SNX8: variants seen among roughly 807,000 people sequenced by gnomAD.
SNX8 encodes the protein sorting nexin 8, also known as sorting nexin-8.
Under a neutral mutation model 51.6 loss-of-function variants are expected in SNX8, and 25 were observed. The ratio of observed to expected loss-of-function variants is 0.48; its 90% confidence interval spans 0.35 to 0.68. The LOEUF is 0.68. Ranked by LOEUF, SNX8 falls within the 30% of genes least tolerant of loss-of-function variation. The pLI is 0.00. For synonymous variants in SNX8, 324 were observed against 277.0 expected (o/e 1.17, Z -1.68); for missense variants, 695 against 624.0 (o/e 1.11, Z -1.21).
At position 2,269,557 on chromosome 7, in the gene SNX8, A is replaced by G; in HGVS notation, c.621+2T>C. On this transcript the variant is annotated splice_donor_variant, in intron 5 of 10. Transcript: ENST00000222990. LOFTEE classifies it high-confidence loss of function. The stretch of plus-strand genomic sequence containing the variant: ...AAAAAAAGAAAAAAAAAAGAAAAAT[A>G]CCTTGGCCCTGGTAGCCAGCTTACA... 6.6e-7 allele frequency: 1 copy of G among 1,524,872 alleles called. No individual in the cohort carries two copies. The highest frequency in any genetic ancestry group is 8.8e-7 in the Non-Finnish European group (1 of 1,138,558). The allele number at this position is 1,524,872 out of a possible 1,614,324, so 94.5% of individuals were successfully genotyped here.
At chr7:2,309,901 G>A in intron 1 of SNX8, 1 of 470,336 alleles carries the variant, frequency 2.1e-6, no homozygotes, top group African/African-American at 2.0e-5. Flanking sequence ...CAGGGGTGAA[G>A]GAGCCCCGAG....
intron 1 of SNX8, among the ~76,000 whole-genome samples, chr7:2,326,237 T>C (rs1194058828): frequency 1.3e-5 from 2 of 152,030 alleles, no homozygotes; most frequent in Non-Finnish European, 2.9e-5. Context: ...TGGTGGCACA[T>C]GTCTGTGATC....
At chr7:2,298,171 C>T (rs998129040) in intron 1 of SNX8, among the ~76,000 whole-genome samples, 2 of 151,976 alleles carry the variant, frequency 1.3e-5, no homozygotes, top group Non-Finnish European at 2.9e-5. Flanking sequence ...TACAGTAGTG[C>T]GATCACAGCT....
At chr7:2,311,348 T>C (rs528265441) in intron 1 of SNX8, among the ~76,000 whole-genome samples, 3 of 152,352 alleles carry the variant, frequency 2.0e-5, no homozygotes, top group African/African-American at 7.2e-5. Flanking sequence ...CCGGACAATA[T>C]TCAGAGACTT....
chr7:2,292,016 C>T (rs1173803350), intron 1 of SNX8, among the ~76,000 whole-genome samples: 9 of 152,228 alleles, frequency 5.9e-5, no homozygotes, highest in Non-Finnish European at 1.3e-4. Context: ...GTAATCCCAA[C>T]ACTCTGGGAG....
chr7:2,261,208 G>A (rs561072510), intron 7 of SNX8, among the ~76,000 whole-genome samples: 9 of 152,346 alleles, frequency 5.9e-5, no homozygotes, highest in African/African-American at 2.2e-4. Context: ...CGAGGCTGGC[G>A]GATCACTTGA....
chr7:2,346,514 G>A (rs1300889632), intron 1 of SNX8, among the ~76,000 whole-genome samples: 4 of 151,508 alleles, frequency 2.6e-5, no homozygotes, highest in East Asian at 1.9e-4. Context: ...TTGGGAGGCC[G>A]AGGTGGGAGG....
Position 2,269,587 on chromosome 7 carries a change from A to G in SNX8, c.593T>C (p.Leu198Pro), listed in dbSNP as rs1223707276. ...GGCCCTGGTAGCCAGCTTACAGTTC[A>G]GGAATTCGTCCCCGACGCACTGTGC... The part of the protein sequence containing the change: ...ESAQCVGDEF[L>P]NCKLATRAKD... The change falls in exon 5 of 11, where the codon CTG becomes CCG. Residue 198 changes from leucine (L) to proline (P), a missense_variant. Transcript: ENST00000222990. 1 of 1,593,278 alleles carries G rather than the reference A, an allele frequency of 6.3e-7. No homozygotes were observed. The highest frequency in any genetic ancestry group is 1.7e-5 in the Admixed American group (1 of 58,020).
chr7:2,271,711 G>T, intron 4 of SNX8, 139 bp downstream of exon 4: 4 of 942,396 alleles, frequency 4.2e-6, no homozygotes, highest in Non-Finnish European at 6.2e-6. Context: ...AAGGAAAGAA[G>T]TCTTGTCCAT....
chr7:2,336,284 C>T (rs1421448813), intron 1 of SNX8, among the ~76,000 whole-genome samples: 1 of 152,000 alleles, frequency 6.6e-6, no homozygotes, highest in East Asian at 1.9e-4. Context: ...GCCTGTAATC[C>T]CAGCTACTCA....
At chr7:2,279,874 A>G (rs531220078) in intron 1 of SNX8, among the ~76,000 whole-genome samples, 139 of 152,340 alleles carry the variant, frequency 9.1e-4, no homozygotes, top group Middle Eastern at 3.4e-3. Flanking sequence ...TGGGGAAGGA[A>G]AACAAAGTGA....
chr7:2,291,885 C>G (rs1286701918), intron 1 of SNX8, among the ~76,000 whole-genome samples: 1 of 152,246 alleles, frequency 6.6e-6, no homozygotes, highest in African/African-American at 2.4e-5. Flanking sequence ...CTGTGGCTTC[C>G]CACTGCTGCC....
chr7:2,307,563 C>T (rs1236313461), intron 1 of SNX8, among the ~76,000 whole-genome samples: 6 of 132,830 alleles, frequency 4.5e-5, no homozygotes, highest in South Asian at 2.6e-4. Context: ...ACCCGGGAGG[C>T]GGAGGGTGCA....
At chr7:2,274,360 T>C (rs1220069279) in intron 3 of SNX8, among the ~76,000 whole-genome samples, 8 of 152,232 alleles carry the variant, frequency 5.3e-5, no homozygotes, top group Admixed American at 5.2e-4. Flanking sequence ...ACACGGTGAC[T>C]GTGGAAGGGC....
At chr7:2,311,739 C>A (rs1796661412) in intron 1 of SNX8, among the ~76,000 whole-genome samples, 1 of 152,074 alleles carries the variant, frequency 6.6e-6, no homozygotes. Context: ...AGATCGAGAC[C>A]ATCCTGGCTA....
intron 1 of SNX8, among the ~76,000 whole-genome samples, chr7:2,351,914 T>TG (rs1332583701): frequency 1.4e-5 from 2 of 146,522 alleles, no homozygotes; most frequent in Non-Finnish European, 3.0e-5. Context: ...GGTTTTTTTT[T>TG]TTTTTTTTTT....
At chr7:2,300,113 T>C (rs1259495771) in intron 1 of SNX8, among the ~76,000 whole-genome samples, 3 of 152,214 alleles carry the variant, frequency 2.0e-5, no homozygotes, top group Non-Finnish European at 4.4e-5. Context: ...TAGTCAGTTT[T>C]TCCCCCACGG....
intron 5 of SNX8, among the ~76,000 whole-genome samples, chr7:2,269,071 G>A (rs1428231964): frequency 1.5e-5 from 2 of 136,840 alleles, no homozygotes; most frequent in East Asian, 4.3e-4. Context: ...GACAATGGCG[G>A]CTTTGTGGAA....
intron 1 of SNX8, among the ~76,000 whole-genome samples, chr7:2,327,816 G>C (rs1003179980): frequency 1.3e-5 from 2 of 150,812 alleles, no homozygotes; most frequent in African/African-American, 4.9e-5. Context: ...TGCTGGGATT[G>C]ACAGGCGTGA....
Sources: allele counts gnomAD v4.1 joint callset (sites outside exome capture counted in the v4.1 genomes callset), GRCh38; gene constraint gnomAD v4.1.1; transcripts MANE v1.5; gene names NCBI Gene and HGNC (gene_info 2026-07-23, HGNC 2026-07-21).